The following DPP10 variants were observed in gnomAD, a reference collection of about 807,000 sequenced individuals.
DPP10 encodes dipeptidyl peptidase like 10.
In DPP10, 33 loss-of-function variants were observed where a neutral mutation model predicts 120.9. The ratio of observed to expected loss-of-function variants is 0.27; its 90% confidence interval spans 0.21 to 0.37. The LOEUF (loss-of-function observed/expected upper bound fraction) is 0.37, where lower values mean the gene tolerates loss of function less well. Among genes scored for constraint, DPP10 ranks in the 10% least tolerant of loss-of-function variants. The probability of loss-of-function intolerance (pLI) is 1.00; values close to 1 mark genes in which losing one functional copy is unlikely to be tolerated. For missense variants in DPP10, 816 were observed against 942.8 expected, an observed-to-expected ratio of 0.87 and a Z score of 1.76; for synonymous variants, 337 against 326.1, an observed-to-expected ratio of 1.03 and a Z score of -0.36.
intron 1 of DPP10, among the ~76,000 whole-genome samples, chr2:114,800,236 G>T (rs555638420): frequency 1.3e-5 from 2 of 152,148 alleles, no homozygotes; most frequent in East Asian, 3.9e-4. Context: ...AATTAAGGTG[G>T]GATTAAAAGA....
At chr2:115,355,593 C>T (rs533508855) in intron 3 of DPP10, among the ~76,000 whole-genome samples, 27 of 152,254 alleles carry the variant, frequency 1.8e-4, no homozygotes, top group Middle Eastern at 3.4e-3. Context: ...CCTTTTGTTG[C>T]AATTGCTTTT....
At chr2:115,504,188 C>G (rs2076827652) in intron 4 of DPP10, among the ~76,000 whole-genome samples, 1 of 151,746 alleles carries the variant, frequency 6.6e-6, no homozygotes, top group Non-Finnish European at 1.5e-5. Flanking sequence ...AAAGTGTGAC[C>G]CAGTTTTCTT....
intron 1 of DPP10, among the ~76,000 whole-genome samples, chr2:114,679,510 C>T (rs576155235): frequency 6.6e-6 from 1 of 151,828 alleles, no homozygotes; most frequent in East Asian, 1.9e-4. Flanking sequence ...ATTTTTTGCC[C>T]AGTTAGCTTT....
intron 7 of DPP10, among the ~76,000 whole-genome samples, chr2:115,713,625 C>T (rs2092399645): frequency 6.6e-6 from 1 of 152,130 alleles, no homozygotes; most frequent in Non-Finnish European, 1.5e-5. Context: ...TATTACAAAG[C>T]ATCATATTTC....
intron 1 of DPP10, chr2:115,064,597 T>C: frequency 8.2e-7 from 1 of 1,215,100 alleles, no homozygotes; most frequent in South Asian, 1.5e-5. Flanking sequence ...TGGACATAGG[T>C]GGGCACTGAC....
chr2:115,717,305 G>A lies in DPP10; in HGVS notation c.577-10511G>A, dbSNP rs116654198. On this transcript the variant is annotated intron_variant, in intron 7 of 25. Transcript: ENST00000410059. ...TTCATTAAAAATATTACTGGGTGCA[G>A]CACACCAACATGGCACATGTATACA... Among the ~76,000 whole-genome samples the A allele has an allele frequency of 7.5e-3, 1,142 of 152,260 alleles. 12 individuals are homozygous for A. Among genetic ancestry groups the A allele is most frequent in the African/African-American group, 0.023 (975 of 41,552 alleles).
chr2:115,313,097 C>T (rs1291333308), intron 2 of DPP10, among the ~76,000 whole-genome samples: 1 of 152,112 alleles, frequency 6.6e-6, no homozygotes, highest in Non-Finnish European at 1.5e-5. Context: ...GTGGCATGCA[C>T]CTGTAGTCCC....
chr2:115,808,306 C>T (rs903314593), intron 19 of DPP10, among the ~76,000 whole-genome samples: 1 of 152,092 alleles, frequency 6.6e-6, no homozygotes, highest in Non-Finnish European at 1.5e-5. Context: ...GTCAAGAATA[C>T]TTCGATGACA....
intron 3 of DPP10, among the ~76,000 whole-genome samples, chr2:115,383,450 A>C (rs1027579749): frequency 6.6e-6 from 1 of 152,176 alleles, no homozygotes; most frequent in Non-Finnish European, 1.5e-5. Flanking sequence ...TAAATTGCCC[A>C]GTCTTGGGTA....
At chr2:114,518,859 C>A (rs1684818215) in intron 1 of DPP10, among the ~76,000 whole-genome samples, 1 of 152,190 alleles carries the variant, frequency 6.6e-6, no homozygotes, top group South Asian at 2.1e-4. Flanking sequence ...GTCAGCTCAG[C>A]TTTTCAAACT....
intron 19 of DPP10, among the ~76,000 whole-genome samples, chr2:115,814,390 G>T (rs1177606613): frequency 6.6e-6 from 1 of 151,828 alleles, no homozygotes; most frequent in Non-Finnish European, 1.5e-5. Context: ...TTCAGCCCTT[G>T]GAAGCCATTT....
intron 3 of DPP10, among the ~76,000 whole-genome samples, chr2:115,360,158 T>C (rs2064672911): frequency 6.6e-6 from 1 of 152,234 alleles, no homozygotes; most frequent in South Asian, 2.1e-4. Flanking sequence ...TGTGATTGTT[T>C]TGAGGTGAGG....
At chr2:114,709,418 T>C (rs1474375849) in intron 1 of DPP10, among the ~76,000 whole-genome samples, 1 of 152,334 alleles carries the variant, frequency 6.6e-6, no homozygotes, top group East Asian at 1.9e-4. Context: ...TAATTCCCTG[T>C]GTAAAAAATG....
intron 3 of DPP10, among the ~76,000 whole-genome samples, chr2:115,372,983 T>G (rs186301467): frequency 1.2e-3 from 187 of 152,354 alleles, no homozygotes; most frequent in Non-Finnish European, 2.2e-3. Context: ...GTCAAGTTAT[T>G]GATATTGTGA....
chr2:115,584,535 C>T (rs1479470350), intron 5 of DPP10, among the ~76,000 whole-genome samples: 1 of 152,214 alleles, frequency 6.6e-6, no homozygotes, highest in Non-Finnish European at 1.5e-5. Context: ...AAAATATTTA[C>T]TGTCTGTCTC....
chr2:115,185,451 C>T (rs1198796569), intron 1 of DPP10, among the ~76,000 whole-genome samples: 1 of 152,068 alleles, frequency 6.6e-6, no homozygotes, highest in East Asian at 1.9e-4. Context: ...TAAAGTATTA[C>T]AGAAGAGTCA....
At chr2:115,776,448 CTTTT>C (rs1286063164) in intron 13 of DPP10, among the ~76,000 whole-genome samples, 1 of 151,964 alleles carries the variant, frequency 6.6e-6, no homozygotes. Flanking sequence ...TGAACTCATC[CTTTT>C]TTTACGGCTG....
chr2:115,182,014 C>T (rs2054114156), intron 1 of DPP10, among the ~76,000 whole-genome samples: 1 of 152,058 alleles, frequency 6.6e-6, no homozygotes, highest in Non-Finnish European at 1.5e-5. Flanking sequence ...CTTTCATGTG[C>T]AGTGATGCTT....
chr2:115,229,687 C>CT (rs1371233649), intron 1 of DPP10, among the ~76,000 whole-genome samples: 11 of 134,276 alleles, frequency 8.2e-5, no homozygotes, highest in African/African-American at 1.1e-4. Context: ...TTTCTGAGTT[C>CT]TCCTATTCTA....
Sources: allele counts gnomAD v4.1 joint callset (sites outside exome capture counted in the v4.1 genomes callset), GRCh38; gene constraint gnomAD v4.1.1; transcripts MANE v1.5; gene names NCBI Gene and HGNC (gene_info 2026-07-23, HGNC 2026-07-21).